Variants in MINDY3 observed in about 807,000 individuals in gnomAD.
The protein encoded by MINDY3 is MINDY lysine 48 deubiquitinase 3.
Under a neutral mutation model 69.2 loss-of-function variants are expected in MINDY3, and 38 were observed. That is an observed-to-expected ratio of 0.55 (90% CI 0.42 to 0.72). The LOEUF is 0.72. Among genes scored for constraint, MINDY3 ranks in the 30% least tolerant of loss-of-function variants. The pLI is 0.00. For missense variants in MINDY3, 522 were observed against 519.0 expected, an observed-to-expected ratio of 1.01 and a Z score of -0.06; for synonymous variants, 192 against 180.1, an observed-to-expected ratio of 1.07 and a Z score of -0.53.
chr10:15,851,107 G>A (rs973543027), intron 1 of MINDY3, among the ~76,000 whole-genome samples: 7 of 152,204 alleles, frequency 4.6e-5, no homozygotes, highest in Non-Finnish European at 7.4e-5. Context: ...ACAAACCTGC[G>A]AAACTTTTGT....
intron 13 of MINDY3, among the ~76,000 whole-genome samples, chr10:15,785,036 C>T (rs568562097): frequency 6.6e-6 from 1 of 152,136 alleles, no homozygotes; most frequent in Non-Finnish European, 1.5e-5. Flanking sequence ...CACATTGCTG[C>T]ACCCACCCTT....
chr10:15,812,407 A>G (rs1173326097), intron 10 of MINDY3, among the ~76,000 whole-genome samples: 2 of 152,168 alleles, frequency 1.3e-5, no homozygotes, highest in Admixed American at 6.5e-5. Flanking sequence ...TAAATTCAAT[A>G]CAGCTTCTGA....
At chr10:15,832,362 G>A (rs1029406588) in intron 8 of MINDY3, among the ~76,000 whole-genome samples, 33 of 152,034 alleles carry the variant, frequency 2.2e-4, no homozygotes, top group Non-Finnish European at 4.0e-4. Context: ...GAAGAAAGAC[G>A]GGAGTGTACA....
chr10:15,834,486 G>T, intron 7 of MINDY3, 57 bp downstream of exon 7: 1 of 1,223,490 alleles, frequency 8.2e-7, no homozygotes, highest in Non-Finnish European at 1.2e-6. Flanking sequence ...TTTATCTGAA[G>T]TCAAGTTTCT....
At chr10:15,779,231 A>G (rs1440485744) in intron 14 of MINDY3, 90 bp from the exon 15 acceptor site, 1 of 1,140,872 alleles carries the variant, frequency 8.8e-7, no homozygotes, top group Non-Finnish European at 1.2e-6. Context: ...GCTAGCAAAT[A>G]AGGTATTACA....
intron 12 of MINDY3, among the ~76,000 whole-genome samples, chr10:15,787,230 T>G (rs1470552365): frequency 1.3e-5 from 2 of 152,232 alleles, no homozygotes; most frequent in East Asian, 3.9e-4. Context: ...TATACTGTAT[T>G]GGTCCAGCAG....
chr10:15,842,484 T>C (rs1833543610), intron 3 of MINDY3, among the ~76,000 whole-genome samples: 1 of 151,894 alleles, frequency 6.6e-6, no homozygotes, highest in Non-Finnish European at 1.5e-5. Context: ...CTAAAATTTG[T>C]TTTGTATTTC....
At chr10:15,782,423 A>T in intron 13 of MINDY3, 197 bp from the exon 14 acceptor site, 1 of 511,072 alleles carries the variant, frequency 2.0e-6, no homozygotes, top group Non-Finnish European at 3.4e-6. Flanking sequence ...TCTGAAGAAG[A>T]TGCTGGAAAG....
rs559583373 is a variant in MINDY3 at position 15,830,630 on chromosome 10, A to G, written c.730+3000T>C. ...CAGATATCTGCCCCATTCATAGAGA[A>G]GAAGCTGAGATTGAGATTTTAATCC... On this transcript the variant is annotated intron_variant, in intron 8 of 14. Transcript: ENST00000277632. 2.0e-4 allele frequency among the ~76,000 whole-genome samples: 31 copies of G among 152,332 alleles called. No homozygotes were observed. The South Asian group carries it at 6.4e-3, about 32-fold the overall frequency.
At chr10:15,852,955 A>C (rs1000594738) in intron 1 of MINDY3, among the ~76,000 whole-genome samples, 1 of 152,200 alleles carries the variant, frequency 6.6e-6, no homozygotes, top group Non-Finnish European at 1.5e-5. Flanking sequence ...ACAGTGTATT[A>C]GGTATTGTAA....
chr10:15,784,611 T>A (rs1197596215), intron 13 of MINDY3, among the ~76,000 whole-genome samples: 1 of 151,944 alleles, frequency 6.6e-6, no homozygotes, highest in African/African-American at 2.4e-5. Context: ...CAGGCCACCA[T>A]ATGTAGTCCC....
At position 15,848,659 on chromosome 10, in the gene MINDY3, AAAAGAAAG is replaced by A. The variant is rs1246294541; in HGVS notation, c.95-724_95-717del. On this transcript the variant is annotated intron_variant, in intron 1 of 14. Transcript: ENST00000277632. ...AAAAAAAAAAAAAAAAAAAAAAAAA[AAAAGAAAG>A]AAAAATTAAATGGCATTGTAGACAG... is the stretch of plus-strand genomic sequence containing the variant. Among the ~76,000 whole-genome samples, 306 of 123,682 alleles carry A rather than the reference AAAAGAAAG, an allele frequency of 2.5e-3. 23 individuals carry two copies. The highest frequency in any genetic ancestry group is 8.5e-3 in the African/African-American group (287 of 33,824). 81.1% of individuals were successfully genotyped at this position (123,682 alleles called of 152,430 possible). A position where few individuals can be genotyped will look rare whatever the true frequency, so the allele number is the denominator to read the frequency against.
intron 9 of MINDY3, among the ~76,000 whole-genome samples, chr10:15,819,724 T>G (rs989571187): frequency 2.0e-5 from 3 of 152,214 alleles, no homozygotes; most frequent in Admixed American, 2.0e-4. Flanking sequence ...AACAGAGTTT[T>G]GCCTTTCACC....
chr10:15,838,725 C>T (rs759526382), intron 4 of MINDY3, among the ~76,000 whole-genome samples: 34 of 151,702 alleles, frequency 2.2e-4, no homozygotes, highest in Admixed American at 6.6e-4. Flanking sequence ...AAAGGCATAA[C>T]ACTTTCAAAC....
intron 13 of MINDY3, 62 bp downstream of exon 13, chr10:15,786,498 CA>C: frequency 2.0e-6 from 2 of 1,013,096 alleles, no homozygotes; most frequent in Non-Finnish European, 3.1e-6. Context: ...GAAAATGCTG[CA>C]AACAATCACA....
At position 15,855,753 on chromosome 10, in the gene MINDY3, T is replaced by C. The variant is rs555648024; in HGVS notation, c.94+4453A>G. Among the ~76,000 whole-genome samples the C allele has an allele frequency of 8.5e-5, 13 of 152,242 alleles. No individual in the cohort carries two copies. The South Asian group carries it at 1.7e-3, about 19-fold the overall frequency. On this transcript the variant is annotated intron_variant, in intron 1 of 14. Coordinates refer to ENST00000277632, the MANE Select transcript of MINDY3 (RefSeq NM_024948.4). ...GGCTATAGAAAGACTTAGTTTGACATCCTGGCTGAGTCAAATATCTCAATT... is the reference window on the plus strand; with the variant it reads ...GGCTATAGAAAGACTTAGTTTGACACCCTGGCTGAGTCAAATATCTCAATT...
rs1332412253 is a variant in MINDY3 at position 15,834,557 on chromosome 10, T to C, written c.636A>G (p.Val212=). The change falls in exon 7 of 15, where the codon GTA becomes GTG. Residue 212 remains valine (V), a synonymous_variant. Coordinates refer to ENST00000277632, the MANE Select transcript of MINDY3 (RefSeq NM_024948.4). ...EDASEPLIDP[V]YGHGSQSLIN... ...TAGTTAATTACCTGCCATGTCCATA[T>C]ACAGGATCTATCAAGGGTTCACTTG... 1.9e-6 allele frequency: 3 copies of C among 1,611,326 alleles called. No individual in the cohort carries two copies. The highest frequency in any genetic ancestry group is 1.7e-5 in the Admixed American group (1 of 59,946).
Position 15,808,690 on chromosome 10 carries a change from C to T in MINDY3, c.882+8145G>A, listed in dbSNP as rs377473887. Among the ~76,000 whole-genome samples the T allele has an allele frequency of 3.3e-5, 5 of 152,110 alleles. No homozygotes were observed. The East Asian group carries it at 7.7e-4, about 23-fold the overall frequency. Reference sequence around the variant, plus strand: ...TGAACAGTTCTGTCATGGATATTCACGTGTTCATGCCTGACAAGAAAACTG... The same window carrying T: ...TGAACAGTTCTGTCATGGATATTCATGTGTTCATGCCTGACAAGAAAACTG... On this transcript the variant is annotated intron_variant, in intron 10 of 14. Transcript: ENST00000277632.
intron 7 of MINDY3, among the ~76,000 whole-genome samples, chr10:15,833,986 G>C (rs1341349228): frequency 1.3e-5 from 2 of 151,800 alleles, no homozygotes; most frequent in East Asian, 3.9e-4. Flanking sequence ...AGACTAATAA[G>C]TTACTTAATA....
Sources: gnomAD v4.1 joint callset for allele counts (sites outside exome capture counted in the v4.1 genomes callset) on GRCh38, gnomAD v4.1.1 for gene constraint, MANE v1.5 for transcripts, NCBI Gene and HGNC (gene_info 2026-07-23, HGNC 2026-07-21) for gene names.